The following HS6ST3 variants were observed in gnomAD, a reference collection of about 807,000 sequenced individuals.
HS6ST3 encodes heparan-sulfate 6-O-sulfotransferase 3.
Under a neutral mutation model 36.7 loss-of-function variants are expected in HS6ST3, and 12 were observed. The ratio of observed to expected loss-of-function variants is 0.33; its 90% CI spans 0.21 to 0.53. HS6ST3 has a LOEUF of 0.53. Ranked by LOEUF, HS6ST3 falls within the 20% of genes least tolerant of loss-of-function variation. The pLI, the probability that HS6ST3 is intolerant of heterozygous loss-of-function variation, is 0.95. For missense variants in HS6ST3, 584 were observed against 640.9 expected, an observed-to-expected ratio of 0.91 and a Z score of 0.96; for synonymous variants, 240 against 257.5, an observed-to-expected ratio of 0.93 and a Z score of 0.65.
At chr13:96,334,140 T>C (rs1401670852) in intron 1 of HS6ST3, among the ~76,000 whole-genome samples, 1 of 152,170 alleles carries the variant, frequency 6.6e-6, no homozygotes, top group Non-Finnish European at 1.5e-5. Context: ...GCCTCAAAAC[T>C]GGGTAAAGGC....
At chr13:96,217,061 A>G in intron 1 of HS6ST3, among the ~76,000 whole-genome samples, 1 of 152,064 alleles carries the variant, frequency 6.6e-6, no homozygotes. Context: ...GAACCTGCTC[A>G]TCTCCTTCTT....
chr13:96,718,250 A>G (rs915021514), intron 1 of HS6ST3, among the ~76,000 whole-genome samples: 31 of 152,238 alleles, frequency 2.0e-4, no homozygotes, highest in African/African-American at 7.0e-4. Context: ...GAGGGTAGCA[A>G]GCAGTTTCTC....
intron 1 of HS6ST3, among the ~76,000 whole-genome samples, chr13:96,548,626 G>A (rs2056206560): frequency 6.6e-6 from 1 of 152,126 alleles, no homozygotes; most frequent in South Asian, 2.1e-4. Flanking sequence ...CTATCTATCT[G>A]TCTATCATCT....
intron 1 of HS6ST3, among the ~76,000 whole-genome samples, chr13:96,191,704 C>T (rs1485644870): frequency 2.6e-5 from 4 of 152,132 alleles, no homozygotes; most frequent in Admixed American, 2.6e-4. Flanking sequence ...AGGCCTGAAA[C>T]GGTGCCCTAG....
intron 1 of HS6ST3, among the ~76,000 whole-genome samples, chr13:96,183,945 G>A (rs1329062854): frequency 2.6e-5 from 4 of 152,116 alleles, no homozygotes; most frequent in African/African-American, 9.7e-5. Context: ...GCTCACGCCT[G>A]TCATCCCAGC....
chr13:96,380,087 T>C lies in HS6ST3; in HGVS notation c.707+288518T>C, dbSNP rs148363476. On this transcript the variant is annotated intron_variant, in intron 1 of 1. Coordinates refer to ENST00000376705, the MANE Select transcript of HS6ST3 (RefSeq NM_153456.4). ...ATTTCCTTTCCACATCCTTGATAGG[T>C]AGTCATTGAACATTTTAAATATTTT... 5.9e-5 allele frequency among the ~76,000 whole-genome samples: 9 copies of C among 152,234 alleles called. 1 individual carries two copies. Among genetic ancestry groups the C allele is most frequent in the African/African-American group, 2.2e-4 (9 of 41,542 alleles).
intron 1 of HS6ST3, among the ~76,000 whole-genome samples, chr13:96,486,567 G>T (rs1158085142): frequency 6.6e-6 from 1 of 152,188 alleles, no homozygotes; most frequent in Non-Finnish European, 1.5e-5. Flanking sequence ...TCTAACTGGT[G>T]TGAGATGGAA....
chr13:96,182,153 T>G (rs1012830900), intron 1 of HS6ST3, among the ~76,000 whole-genome samples: 1 of 152,236 alleles, frequency 6.6e-6, no homozygotes, highest in Non-Finnish European at 1.5e-5. Context: ...TAGACCAGGC[T>G]GTTCATATAA....
chr13:96,657,033 G>A (rs1481917231), intron 1 of HS6ST3, among the ~76,000 whole-genome samples: 2 of 149,372 alleles, frequency 1.3e-5, no homozygotes, highest in African/African-American at 5.0e-5. Context: ...GAAAGAATGA[G>A]AATTTACATG....
chr13:96,764,490 G>A (rs1015399770), intron 1 of HS6ST3, among the ~76,000 whole-genome samples: 1 of 152,180 alleles, frequency 6.6e-6, no homozygotes, highest in African/African-American at 2.4e-5. Flanking sequence ...CTAACATAGC[G>A]ATAAAAATCC....
chr13:96,636,175 G>T (rs761157210), intron 1 of HS6ST3, among the ~76,000 whole-genome samples: 3 of 152,104 alleles, frequency 2.0e-5, no homozygotes, highest in African/African-American at 7.2e-5. Context: ...ATTTGCGTTT[G>T]CCAGGGACTT....
chr13:96,118,834 C>T (rs1226785568), intron 1 of HS6ST3, among the ~76,000 whole-genome samples: 1 of 146,682 alleles, frequency 6.8e-6, no homozygotes, highest in Non-Finnish European at 1.5e-5. Context: ...CCTCAGCCTC[C>T]CGAGTAGCTG....
chr13:96,223,944 TCCCTC>T (rs2054468200), intron 1 of HS6ST3, among the ~76,000 whole-genome samples: 1 of 151,878 alleles, frequency 6.6e-6, no homozygotes, highest in Admixed American at 6.6e-5. Context: ...AATATTCCCT[TCCCTC>T]CCCTCCCGTC....
chr13:96,497,683 C>T (rs1019376921), intron 1 of HS6ST3, among the ~76,000 whole-genome samples: 3 of 152,128 alleles, frequency 2.0e-5, no homozygotes, highest in Admixed American at 2.0e-4. Context: ...CTGATGGTTT[C>T]CCATTGCCCC....
intron 1 of HS6ST3, among the ~76,000 whole-genome samples, chr13:96,775,923 T>A (rs1247821801): frequency 6.6e-6 from 1 of 152,138 alleles, no homozygotes; most frequent in Non-Finnish European, 1.5e-5. Flanking sequence ...ATTCTAAAAT[T>A]GACCACATAA....
intron 1 of HS6ST3, among the ~76,000 whole-genome samples, chr13:96,162,522 G>A (rs1216373934): frequency 3.3e-5 from 5 of 152,170 alleles, no homozygotes; most frequent in East Asian, 3.9e-4. Context: ...TCCAGTACTA[G>A]AAACTTTAAG....
At position 96,330,345 on chromosome 13, in the gene HS6ST3, G is replaced by A. The variant is rs185290553; in HGVS notation, c.707+238776G>A. 8.2e-3 allele frequency among the ~76,000 whole-genome samples: 1,241 copies of A among 151,304 alleles called. 13 individuals are homozygous for A. The highest frequency in any genetic ancestry group is 0.028 in the African/African-American group (1,168 of 41,212). On this transcript the variant is annotated intron_variant, in intron 1 of 1. Transcript: ENST00000376705. ...CCGGTTGTTCCTTTCCATGTTTAGC[G>A]CTTCCTTCAGGAGCTCTTTTAGGGC...
At chr13:96,732,639 T>C (rs1041818454) in intron 1 of HS6ST3, among the ~76,000 whole-genome samples, 6 of 152,200 alleles carry the variant, frequency 3.9e-5, no homozygotes, top group African/African-American at 1.4e-4. Context: ...AGGGTATTTT[T>C]TGGTTTCATA....
chr13:96,091,366 C>T lies in HS6ST3; in HGVS notation c.504C>T (p.Asn168=). ...CTTTCGGCCGGCACCTGGTGAAGAA[C>T]ATCCGGCTGGAGCAGCCTTGTAGCT... ...GTTFGRHLVK[N]IRLEQPCSCK... is the part of the protein sequence containing the mutation. Residue 168 remains asparagine, a synonymous_variant, in exon 1 of 2, where the codon AAC becomes AAT. Transcript: ENST00000376705. The T allele has an allele frequency of 1.2e-6, 2 of 1,614,122 alleles. No individual in the cohort carries two copies. The highest frequency in any genetic ancestry group is 1.7e-6 in the Non-Finnish European group (2 of 1,180,010).
Sources: gnomAD v4.1 joint callset for allele counts (sites outside exome capture counted in the v4.1 genomes callset) on GRCh38, gnomAD v4.1.1 for gene constraint, MANE v1.5 for transcripts, NCBI Gene and HGNC (gene_info 2026-07-23, HGNC 2026-07-21) for gene names.